The following SLC25A37 variants were observed in gnomAD, a reference collection of about 807,000 sequenced individuals.
SLC25A37 encodes the protein mitoferrin-1.
A neutral mutation model predicts 31.0 loss-of-function variants in SLC25A37; 17 were observed. The ratio of observed to expected loss-of-function variants is 0.55; its 90% CI spans 0.38 to 0.82. The LOEUF (loss-of-function observed/expected upper bound fraction) is 0.82, where lower values mean the gene tolerates loss of function less well. SLC25A37 is among the 40% of genes least tolerant of loss of function. The pLI, the probability that SLC25A37 is intolerant of heterozygous loss-of-function variation, is 0.00. For synonymous variants in SLC25A37, 222 were observed against 193.0 expected (o/e 1.15, Z -1.24); for missense variants, 404 against 465.8 (o/e 0.87, Z 1.22).
At chr8:23,568,501 G>T (rs895245828) in intron 3 of SLC25A37, 123 bp downstream of exon 3, 3 of 1,077,440 alleles carry the variant, frequency 2.8e-6, no homozygotes, top group Non-Finnish European at 4.2e-6. Flanking sequence ...AGTCAGAGCA[G>T]ACAGGAGAAT....
At chr8:23,567,806 A>G (rs1041598648) in intron 2 of SLC25A37, 1 of 133,730 alleles carries the variant, frequency 7.5e-6, no homozygotes, top group African/African-American at 3.0e-5. Context: ...GATTTTCCTG[A>G]TTTCCTCTTC....
chr8:23,548,477 CTTTT>C (rs143771739), intron 1 of SLC25A37, among the ~76,000 whole-genome samples: 2 of 116,024 alleles, frequency 1.7e-5, no homozygotes, highest in African/African-American at 3.6e-5. Context: ...CACGTCCGGG[CTTTT>C]TTTTTTTTTT....
rs1364975034 is a variant in SLC25A37 at position 23,528,987 on chromosome 8, C to T, written c.-16C>T. On this transcript the variant is annotated 5_prime_UTR_variant, in exon 1 of 4. Transcript: ENST00000519973. Reference sequence around the variant, plus strand: ...GCCCACCTCCTGCAGCCTCCTGCGCCCCGCCGAGCTGGCGGATGGAGCTGC... The same window carrying T: ...GCCCACCTCCTGCAGCCTCCTGCGCTCCGCCGAGCTGGCGGATGGAGCTGC... The T allele has an allele frequency of 8.1e-6, 12 of 1,481,236 alleles. No homozygotes were observed. Among genetic ancestry groups the T allele is most frequent in the Non-Finnish European group, 1.1e-5 (12 of 1,113,798 alleles). The allele number at this position is 1,481,236 out of a possible 1,614,324, so 91.8% of individuals were successfully genotyped here.
chr8:23,573,869 T>C lies in SLC25A37; in HGVS notation c.*2014T>C. ...GTTGCAGCCTCAACCCACATGGGGA[T>C]GTAGAAAGCCGTAAAGTCCACGCTA... On this transcript the variant is annotated 3_prime_UTR_variant, in exon 4 of 4. Transcript: ENST00000519973. The C allele has an allele frequency of 2.2e-6, 1 of 456,694 alleles. No individual in the cohort carries two copies. Among genetic ancestry groups the C allele is most frequent in the Non-Finnish European group, 4.4e-6 (1 of 226,956 alleles). The allele number at this position is 456,694 out of a possible 1,614,324, so 28.3% of individuals were successfully genotyped here. A position where few individuals can be genotyped will look rare whatever the true frequency, so the allele number is the denominator to read the frequency against.
chr8:23,571,714 C>T lies in SLC25A37; in HGVS notation c.876C>T (p.Leu292=). The part of the protein sequence containing the change: ...MANAFRTVYQ[L]NGLAGYFKGI... ...ATGCCTTCCGGACGGTGTACCAGCT[C>T]AACGGCCTGGCCGGCTACTTCAAAG... The change falls in exon 4 of 4, where the codon CTC becomes CTT. Residue 292 remains leucine (L), a synonymous_variant. Coordinates refer to ENST00000519973, the MANE Select transcript of SLC25A37 (RefSeq NM_016612.4). 6.2e-7 allele frequency: 1 copy of T among 1,614,026 alleles called. No individual in the cohort carries two copies. Among genetic ancestry groups the T allele is most frequent in the Non-Finnish European group, 8.5e-7 (1 of 1,179,906 alleles).
intron 2 of SLC25A37, chr8:23,568,101 G>C: frequency 1.6e-6 from 1 of 612,692 alleles, no homozygotes. Context: ...GTTTTTGCAA[G>C]ATTAAAATGT....
At chr8:23,569,811 T>C (rs1377682034) in intron 3 of SLC25A37, among the ~76,000 whole-genome samples, 1 of 152,206 alleles carries the variant, frequency 6.6e-6, no homozygotes, top group Non-Finnish European at 1.5e-5. Context: ...GGCCTGGCAC[T>C]GGGCAGGCCT....
chr8:23,531,246 CAG>C (rs1284252386), intron 1 of SLC25A37, among the ~76,000 whole-genome samples: 1 of 152,194 alleles, frequency 6.6e-6, no homozygotes, highest in African/African-American at 2.4e-5. Context: ...CATGAGGAGT[CAG>C]GGGTGCATCC....
intron 3 of SLC25A37, among the ~76,000 whole-genome samples, 190 bp from the exon 4 acceptor site, chr8:23,571,145 A>T (rs925914136): frequency 6.6e-6 from 1 of 152,208 alleles, no homozygotes; most frequent in African/African-American, 2.4e-5. Flanking sequence ...ATTTTAACCT[A>T]GGACTGCCGG....
chr8:23,537,291 C>T (rs780539180), intron 1 of SLC25A37, among the ~76,000 whole-genome samples: 8 of 151,650 alleles, frequency 5.3e-5, no homozygotes, highest in South Asian at 2.1e-4. Context: ...GTTGTTACTT[C>T]GTAACACACA....
At chr8:23,536,384 G>T (rs189729837) in intron 1 of SLC25A37, among the ~76,000 whole-genome samples, 1 of 151,928 alleles carries the variant, frequency 6.6e-6, no homozygotes, top group Non-Finnish European at 1.5e-5. Flanking sequence ...CTGCCCAGCC[G>T]CAGCCTCACA....
In SLC25A37 at chr8:23,568,948, G is replaced by GA. The variant is rs36012601; in HGVS notation, c.496+588dup. On this transcript the variant is annotated intron_variant, in intron 3 of 3. Coordinates refer to ENST00000519973, the MANE Select transcript of SLC25A37 (RefSeq NM_016612.4). Reference sequence around the variant, plus strand: ...ACAGAGCCAGACTCCATCTCAAAAGGAAAAAAAAAAAAAAAAAAGGGAAAT... The same window carrying GA: ...ACAGAGCCAGACTCCATCTCAAAAGGAAAAAAAAAAAAAAAAAAAGGGAAAT... 2.9e-3 allele frequency: 349 copies of GA among 120,428 alleles called. 2 individuals carry two copies. The highest frequency in any genetic ancestry group is 8.0e-3 in the African/African-American group (247 of 30,898). The allele number at this position is 120,428 out of a possible 1,614,324, so 7.5% of individuals were successfully genotyped here. A position where few individuals can be genotyped will look rare whatever the true frequency, so the allele number is the denominator to read the frequency against.
intron 1 of SLC25A37, among the ~76,000 whole-genome samples, chr8:23,536,264 A>G (rs62503283): frequency 0.071 from 10,794 of 152,090 alleles, 759 homozygotes; most frequent in African/African-American, 0.17. Context: ...TTCTTCCCAT[A>G]AACAAACTGT....
intron 1 of SLC25A37, among the ~76,000 whole-genome samples, chr8:23,561,199 GT>G (rs1189365673): frequency 6.6e-6 from 1 of 151,904 alleles, no homozygotes; most frequent in African/African-American, 2.4e-5. Context: ...GGGCCCTGAG[GT>G]TTTATTTTTC....
rs538486767 is a variant in SLC25A37 at position 23,547,264 on chromosome 8, C to G, written c.210+18052C>G. 3.9e-4 allele frequency among the ~76,000 whole-genome samples: 59 copies of G among 152,200 alleles called. No homozygotes were observed. The East Asian group carries it at 7.7e-3, about 20-fold the overall frequency. ...GAGCCACAGAGAACATTTGTCAATC[C>G]AGAACCAACCATTCATGGTGTTGCT... On this transcript the variant is annotated intron_variant, in intron 1 of 3. Transcript: ENST00000519973.
At chr8:23,561,711 G>T (rs1355070890) in intron 1 of SLC25A37, among the ~76,000 whole-genome samples, 3 of 152,190 alleles carry the variant, frequency 2.0e-5, no homozygotes, top group Non-Finnish European at 2.9e-5. Flanking sequence ...GGGCTGGAAG[G>T]GGTCTAGATG....
Position 23,562,972 on chromosome 8 carries a change from C to T in SLC25A37, c.211-3136C>T, listed in dbSNP as rs192100391. Among the ~76,000 whole-genome samples the T allele has an allele frequency of 3.5e-4, 54 of 152,288 alleles. 1 individual carries two copies. The Middle Eastern group carries it at 0.01, about 29-fold the overall frequency. ...TAAAACTTGAGCGATTTCATATGTC[C>T]TAAAGGAGGAGTTTTGCCTCTTCCT... is the stretch of plus-strand genomic sequence containing the variant. On this transcript the variant is annotated intron_variant, in intron 1 of 3. Coordinates refer to ENST00000519973, the MANE Select transcript of SLC25A37 (RefSeq NM_016612.4).
At chr8:23,553,382 T>C (rs113324124) in intron 1 of SLC25A37, among the ~76,000 whole-genome samples, 1,629 of 152,118 alleles carry the variant, frequency 0.011, 35 homozygotes, top group African/African-American at 0.035. Context: ...GTTCACGCCA[T>C]TGCACTCCAG....
At chr8:23,539,298 A>G (rs1396482363) in intron 1 of SLC25A37, among the ~76,000 whole-genome samples, 2 of 145,346 alleles carry the variant, frequency 1.4e-5, no homozygotes, top group African/African-American at 5.6e-5. Context: ...TTCCGGGTCC[A>G]CCGAGCCTCT....
Sources: gnomAD v4.1 joint callset for allele counts (sites outside exome capture counted in the v4.1 genomes callset) on GRCh38, gnomAD v4.1.1 for gene constraint, MANE v1.5 for transcripts, NCBI Gene and HGNC (gene_info 2026-07-23, HGNC 2026-07-21) for gene names.